EIF4ENIF1: variants seen among roughly 807,000 people sequenced by gnomAD.
The protein encoded by EIF4ENIF1 is eukaryotic translation initiation factor 4E transporter.
Under a neutral mutation model 110.5 loss-of-function variants are expected in EIF4ENIF1, and 23 were observed. The ratio of observed to expected loss-of-function variants is 0.21; its 90% CI spans 0.15 to 0.29. The LOEUF (loss-of-function observed/expected upper bound fraction) is 0.29. EIF4ENIF1 is among the 10% of genes least tolerant of loss of function. EIF4ENIF1 has a pLI of 1.00. For synonymous variants in EIF4ENIF1, 440 were observed against 437.0 expected (o/e 1.01, Z -0.09); for missense variants, 1,031 against 1,221.1 (o/e 0.84, Z 2.32).
At chr22:31,437,837 A>G (rs2050195066), downstream of EIF4ENIF1, 1 of 152,236 alleles carries the variant, frequency 6.6e-6, no homozygotes, top group African/African-American at 2.4e-5. Context: ...ACCAGAAAGC[A>G]TTTGCCAAAA....
At chr22:31,454,050 A>G in intron 10 of EIF4ENIF1, 94 bp downstream of exon 10, 1 of 1,149,276 alleles carries the variant, frequency 8.7e-7, no homozygotes, top group Middle Eastern at 2.0e-4. Flanking sequence ...TTTCCAACTT[A>G]CTCAGAATAC....
chr22:31,443,127 C>A (rs1157102356), intron 15 of EIF4ENIF1, 33 bp from the exon 16 acceptor site: 3 of 1,609,260 alleles, frequency 1.9e-6, no homozygotes, highest in Non-Finnish European at 2.5e-6. Flanking sequence ...TTAGCACATT[C>A]TCTAAGTGCC....
At chr22:31,482,377 T>C (rs772726987) in intron 2 of EIF4ENIF1, among the ~76,000 whole-genome samples, 3 of 152,120 alleles carry the variant, frequency 2.0e-5, no homozygotes, top group Admixed American at 2.0e-4. Flanking sequence ...AACGTATGTA[T>C]CCTTTATAAG....
chr22:31,447,295 T>TA (rs1186719196), intron 14 of EIF4ENIF1, 131 bp downstream of exon 14: 2 of 1,063,382 alleles, frequency 1.9e-6, no homozygotes, highest in African/African-American at 1.6e-5. Context: ...TGATTTGGAT[T>TA]GGGATGGAAT....
chr22:31,443,957 C>T (rs551591233), intron 15 of EIF4ENIF1, among the ~76,000 whole-genome samples: 3 of 151,808 alleles, frequency 2.0e-5, no homozygotes, highest in African/African-American at 4.8e-5. Context: ...CCACCATGCC[C>T]GACTAATTTT....
At position 31,447,580 on chromosome 22, in the gene EIF4ENIF1, A is replaced by AG; in HGVS notation, c.1849-16dup. On this transcript the variant is annotated splice_polypyrimidine_tract_variant and intron_variant, in intron 13 of 18. Coordinates refer to ENST00000330125, the MANE Select transcript of EIF4ENIF1 (RefSeq NM_019843.4). ...AGCTGGCTCATCTGCTGAAAAGGAG[A>AG]GGGGAGGGTCAGGAGAAGAGTAAGG... The AG allele has an allele frequency of 6.3e-7, 1 of 1,596,532 alleles. No individual in the cohort carries two copies. The highest frequency in any genetic ancestry group is 1.1e-5 in the South Asian group (1 of 89,442).
At chr22:31,468,377 C>T (rs2051260414) in intron 3 of EIF4ENIF1, 75 bp from the exon 4 acceptor site, 2 of 1,586,678 alleles carry the variant, frequency 1.3e-6, no homozygotes, top group South Asian at 2.3e-5. Context: ...TAAACCTCCT[C>T]AGCTAATAGT....
intron 6 of EIF4ENIF1, among the ~76,000 whole-genome samples, chr22:31,458,925 CTTT>C (rs11337049): frequency 1.1e-4 from 12 of 107,254 alleles, no homozygotes; most frequent in East Asian, 3.2e-4. Flanking sequence ...GGAGGGGGGT[CTTT>C]TTTTTTTTTT....
intron 4 of EIF4ENIF1, among the ~76,000 whole-genome samples, chr22:31,467,783 A>C (rs954556454): frequency 1.3e-5 from 2 of 151,238 alleles, no homozygotes; most frequent in Non-Finnish European, 2.9e-5. Context: ...ACAGAGCAAG[A>C]CTCCGTCTCA....
At chr22:31,490,176 C>A (rs775074141), upstream of EIF4ENIF1, among the ~76,000 whole-genome samples, 9 of 152,242 alleles carry the variant, frequency 5.9e-5, no homozygotes, top group Non-Finnish European at 1.0e-4. Context: ...CACTTGGGAC[C>A]CGCGACTCGC....
At chr22:31,491,038 C>G (rs1194336336), upstream of EIF4ENIF1, among the ~76,000 whole-genome samples, 1 of 152,150 alleles carries the variant, frequency 6.6e-6, no homozygotes. Flanking sequence ...TTTTTACAGG[C>G]AAGAGGCAGA....
chr22:31,456,403 T>G (rs1168114029), intron 7 of EIF4ENIF1, among the ~76,000 whole-genome samples: 1 of 151,912 alleles, frequency 6.6e-6, no homozygotes, highest in Non-Finnish European at 1.5e-5. Context: ...TTTTGTATTT[T>G]TAGTAGAGAC....
In EIF4ENIF1 at chr22:31,463,823, C is replaced by A; in HGVS notation, c.443G>T (p.Arg148Leu). 6.2e-7 allele frequency: 1 copy of A among 1,614,058 alleles called. No homozygotes were observed. The highest frequency in any genetic ancestry group is 8.5e-7 in the Non-Finnish European group (1 of 1,180,028). ...GCCAATCCTACGTCCACCAAGCAGA[C>A]GAAGCCCATCACTATCTTTCTCTAA... is the stretch of plus-strand genomic sequence containing the variant. ...SPLEKDSDGL[R>L]LLGGRRIGSG... Residue 148 changes from arginine (R) to leucine (L), a missense_variant, in exon 5 of 19, where the codon CGT becomes CTT. Transcript: ENST00000330125.
chr22:31,460,661 T>TA (rs921682797), intron 6 of EIF4ENIF1, among the ~76,000 whole-genome samples: 1 of 114,820 alleles, frequency 8.7e-6, no homozygotes, highest in Non-Finnish European at 1.8e-5. Flanking sequence ...AAAAAAAAAA[T>TA]AGAGGACTGG....
In EIF4ENIF1 at chr22:31,439,749, G is replaced by T; in HGVS notation, c.*131C>A. On this transcript the variant is annotated 3_prime_UTR_variant, in exon 19 of 19. Transcript: ENST00000330125. ...CATCATAATGCGGACCACACCAGATGCATGGGTTCCACCAAACAGCTTCAC... is the reference window on the plus strand; with the variant it reads ...CATCATAATGCGGACCACACCAGATTCATGGGTTCCACCAAACAGCTTCAC... 1 of 1,313,060 alleles carries T rather than the reference G, an allele frequency of 7.6e-7. No individual in the cohort carries two copies. Among genetic ancestry groups the T allele is most frequent in the Non-Finnish European group, 1.0e-6 (1 of 973,554 alleles). 81.3% of individuals were successfully genotyped at this position (1,313,060 alleles called of 1,614,324 possible). A position where few individuals can be genotyped will look rare whatever the true frequency, so the allele number is the denominator to read the frequency against.
chr22:31,489,915 G>A (rs942457426), upstream of EIF4ENIF1: 2 of 152,058 alleles, frequency 1.3e-5, no homozygotes, highest in African/African-American at 4.8e-5. Context: ...CCTGGCCCCG[G>A]CGCCGCCTTC....
chr22:31,491,112 GGA>G (rs1373188164), upstream of EIF4ENIF1, among the ~76,000 whole-genome samples: 7 of 151,680 alleles, frequency 4.6e-5, no homozygotes, highest in Non-Finnish European at 7.4e-5. Flanking sequence ...TACAAGCTAT[GGA>G]GAGTTAGTCT....
chr22:31,438,355 T>A (rs554213189), downstream of EIF4ENIF1, among the ~76,000 whole-genome samples: 2 of 152,228 alleles, frequency 1.3e-5, no homozygotes, highest in East Asian at 3.9e-4. Flanking sequence ...ATAGTTAAGG[T>A]GAATAATAAA....
intron 4 of EIF4ENIF1, among the ~76,000 whole-genome samples, chr22:31,466,662 A>G (rs1357242694): frequency 9.6e-5 from 14 of 146,062 alleles, no homozygotes; most frequent in African/African-American, 3.1e-4. Context: ...AGCTAAAGGG[A>G]GGGACACATA....
Sources: gnomAD v4.1 joint callset for allele counts (sites outside exome capture counted in the v4.1 genomes callset) on GRCh38, gnomAD v4.1.1 for gene constraint, MANE v1.5 for transcripts, NCBI Gene and HGNC (gene_info 2026-07-23, HGNC 2026-07-21) for gene names.